Variants in CCR3 observed in about 807,000 individuals in gnomAD.
CCR3 encodes C-C motif chemokine receptor 3, also known as C-C chemokine receptor type 3.
For synonymous variants in CCR3, 203 were observed against 179.2 expected (o/e 1.13, Z -1.06); for missense variants, 419 against 437.5 (o/e 0.96, Z 0.38).
chr3:46,225,996 G>T (rs1352566532), intron 2 of CCR3, among the ~76,000 whole-genome samples: 2 of 152,116 alleles, frequency 1.3e-5, no homozygotes, highest in African/African-American at 2.4e-5. Context: ...AAGCATATTT[G>T]TGAGTCTAGT....
At chr3:46,232,422 C>T (rs78518698) in intron 2 of CCR3, among the ~76,000 whole-genome samples, 133 of 152,268 alleles carry the variant, frequency 8.7e-4, no homozygotes, top group African/African-American at 3.1e-3. Flanking sequence ...GGGAACCAAG[C>T]GGTAGTAGAC....
At chr3:46,232,658 C>T (rs1192811409) in intron 2 of CCR3, among the ~76,000 whole-genome samples, 3 of 152,100 alleles carry the variant, frequency 2.0e-5, no homozygotes, top group Non-Finnish European at 4.4e-5. Context: ...ATCCTTGGTG[C>T]CATTCTGGAT....
upstream of CCR3, among the ~76,000 whole-genome samples, chr3:46,241,776 A>G (rs1700089213): frequency 6.6e-6 from 1 of 152,064 alleles, no homozygotes. Context: ...TGTCTACTGG[A>G]CCCTGCAGAA....
chr3:46,247,838 G>A (rs1192611078), intron 1 of CCR3, among the ~76,000 whole-genome samples: 2 of 152,146 alleles, frequency 1.3e-5, no homozygotes, highest in African/African-American at 2.4e-5. Flanking sequence ...AAATCCTCGA[G>A]CTTGATGTGT....
At chr3:46,249,434 A>C (rs1159532688) in intron 1 of CCR3, among the ~76,000 whole-genome samples, 1 of 152,104 alleles carries the variant, frequency 6.6e-6, no homozygotes, top group Non-Finnish European at 1.5e-5. Flanking sequence ...CAGGCTCTTG[A>C]AAAGAAGGTA....
intron 2 of CCR3, among the ~76,000 whole-genome samples, chr3:46,233,913 C>G (rs1283481255): frequency 6.6e-6 from 1 of 152,210 alleles, no homozygotes; most frequent in African/African-American, 2.4e-5. Flanking sequence ...GTGGCTTTTG[C>G]CAAGTCCCTC....
chr3:46,257,427 CTTTTTTTTTT>C (rs34426861), intron 1 of CCR3, among the ~76,000 whole-genome samples: 13 of 103,938 alleles, frequency 1.3e-4, no homozygotes, highest in African/African-American at 3.3e-4. Flanking sequence ...TTGTCCCAGG[CTTTTTTTTTT>C]TTTTTTTTTT....
chr3:46,254,952 C>T (rs1013804898), intron 1 of CCR3, among the ~76,000 whole-genome samples: 13 of 152,136 alleles, frequency 8.5e-5, no homozygotes, highest in Non-Finnish European at 1.5e-4. Flanking sequence ...GATAGATCGA[C>T]TTTTAATTCT....
At chr3:46,264,140 G>T (rs773824911) in intron 1 of CCR3, 3 of 422,316 alleles carry the variant, frequency 7.1e-6, no homozygotes, top group Non-Finnish European at 1.3e-5. Flanking sequence ...TGGCCTTAGG[G>T]CTCCTGGCCT....
At chr3:46,234,839 C>G (rs1039397348) in intron 2 of CCR3, among the ~76,000 whole-genome samples, 4 of 152,230 alleles carry the variant, frequency 2.6e-5, no homozygotes, top group Non-Finnish European at 5.9e-5. Flanking sequence ...AGAAATGAAG[C>G]TCTTTGGTTG....
intron 1 of CCR3, among the ~76,000 whole-genome samples, chr3:46,258,352 A>C (rs1267066698): frequency 6.6e-6 from 1 of 152,204 alleles, no homozygotes; most frequent in Non-Finnish European, 1.5e-5. Flanking sequence ...TACAACCAGA[A>C]ATGCACTAAT....
At chr3:46,251,198 C>T (rs1048385958) in intron 1 of CCR3, among the ~76,000 whole-genome samples, 1 of 152,142 alleles carries the variant, frequency 6.6e-6, no homozygotes, top group African/African-American at 2.4e-5. Flanking sequence ...CGTGGTCTGA[C>T]ACCCTTGAAA....
chr3:46,231,674 T>TGA (rs1386318994), intron 2 of CCR3, among the ~76,000 whole-genome samples: 7 of 152,200 alleles, frequency 4.6e-5, no homozygotes, highest in Admixed American at 1.3e-4. Context: ...TTTGAAGTGA[T>TGA]AGTTGTGTTT....
At chr3:46,227,845 A>T (rs139285340) in intron 2 of CCR3, among the ~76,000 whole-genome samples, 1 of 152,154 alleles carries the variant, frequency 6.6e-6, no homozygotes, top group African/African-American at 2.4e-5. Context: ...TCTTTCTGTT[A>T]TTAAACTTTA....
At position 46,250,279 on chromosome 3, in the gene CCR3, A is replaced by C. The variant is rs554375449; in HGVS notation, c.-12+7741A>C. ...GGTGTGAGGAGGTGAGGCGATAAAA[A>C]GATTACAGGGTGGAGGAGTGGAGGC... On this transcript the variant is annotated intron_variant, in intron 1 of 1. Transcript: ENST00000395940. Among the ~76,000 whole-genome samples the C allele has an allele frequency of 1.4e-4, 22 of 152,236 alleles. No individual in the cohort carries two copies. In the East Asian group the frequency reaches 3.7e-3, roughly 25 times the overall value.
chr3:46,265,368 C>A lies in CCR3; in HGVS notation c.210C>A (p.Asn70Lys). ...IKYRRLRIMTNIYLLNLAISD... is the reference protein window; with the variant it reads ...IKYRRLRIMTKIYLLNLAISD... ...ACAGGAGGCTCCGAATTATGACCAA[C>A]ATCTACCTGCTCAACCTGGCCATTT... Residue 70 changes from asparagine to lysine, a missense_variant, in exon 2 of 2, where the codon AAC (asparagine) becomes AAA (lysine). Coordinates refer to ENST00000395940, the MANE Select transcript of CCR3 (RefSeq NM_178329.3). 6.2e-7 allele frequency: 1 copy of A among 1,614,164 alleles called. No individual in the cohort carries two copies. Among genetic ancestry groups the A allele is most frequent in the Non-Finnish European group, 8.5e-7 (1 of 1,180,002 alleles).
At chr3:46,240,560 G>A (rs1199375199), upstream of CCR3, among the ~76,000 whole-genome samples, 5 of 152,090 alleles carry the variant, frequency 3.3e-5, no homozygotes, top group Non-Finnish European at 5.9e-5. Context: ...TCTAAACCCT[G>A]TAGAACTTGC....
chr3:46,213,904 A>T (rs1699744978), intron 2 of CCR3, among the ~76,000 whole-genome samples: 1 of 152,176 alleles, frequency 6.6e-6, no homozygotes, highest in Non-Finnish European at 1.5e-5. Flanking sequence ...CCATCATTAC[A>T]GTCTCTCCCT....
Position 46,255,061 on chromosome 3 carries a change from ATT to A in CCR3, c.-11-10077_-11-10076del, listed in dbSNP as rs35385049. Among the ~76,000 whole-genome samples, 527 of 150,744 alleles carry A rather than the reference ATT, an allele frequency of 3.5e-3. 5 individuals are homozygous for A. Among genetic ancestry groups the A allele is most frequent in the African/African-American group, 0.012 (484 of 41,068 alleles). ...CTTCACCACATCCACGCCAACATCT[ATT>A]TTTTTTTTTATTATTATAGCCATTC... is the stretch of plus-strand genomic sequence containing the variant. On this transcript the variant is annotated intron_variant, in intron 1 of 1. Transcript: ENST00000395940.
Sources: allele counts gnomAD v4.1 joint callset (sites outside exome capture counted in the v4.1 genomes callset), GRCh38; gene constraint gnomAD v4.1.1; transcripts MANE v1.5; gene names NCBI Gene and HGNC (gene_info 2026-07-23, HGNC 2026-07-21).